The following MYO16 variants were observed in gnomAD, a reference collection of about 807,000 sequenced individuals.
The protein encoded by MYO16 is myosin XVI.
Under a neutral mutation model 205.3 loss-of-function variants are expected in MYO16, and 94 were observed. The observed-to-expected ratio is 0.46, with a 90% CI of 0.39 to 0.54. The LOEUF (loss-of-function observed/expected upper bound fraction) is 0.54, where lower values mean the gene tolerates loss of function less well. Among genes scored for constraint, MYO16 ranks in the 20% least tolerant of loss-of-function variants. MYO16 has a pLI of 0.00. For synonymous variants in MYO16, 988 were observed against 954.0 expected (o/e 1.04, Z -0.66); for missense variants, 2,315 against 2,387.5 (o/e 0.97, Z 0.63).
intron 25 of MYO16, among the ~76,000 whole-genome samples, chr13:109,053,526 C>G (rs559760525): frequency 9.9e-4 from 150 of 152,068 alleles, no homozygotes; most frequent in Non-Finnish European, 1.8e-3. Flanking sequence ...CCTCTTTTCT[C>G]AATCATCCTA....
the MYO16 span, among the ~76,000 whole-genome samples, chr13:108,588,815 A>T: frequency 5.3e-5 from 8 of 152,212 alleles, no homozygotes; most frequent in Admixed American, 2.0e-4. Flanking sequence ...GGCTAGGCTG[A>T]ACAGAGACCC....
intron 32 of MYO16, among the ~76,000 whole-genome samples, chr13:109,154,137 AT>A (rs1877852688): frequency 6.6e-6 from 1 of 152,204 alleles, no homozygotes; most frequent in East Asian, 1.9e-4. Flanking sequence ...TTTTAAATTT[AT>A]TTTTCAAGGC....
intron 2 of MYO16, among the ~76,000 whole-genome samples, chr13:108,677,531 A>G (rs539177789): frequency 6.6e-4 from 100 of 151,864 alleles, no homozygotes; most frequent in African/African-American, 2.4e-3. Flanking sequence ...ATACATGCAC[A>G]TATATATTTA....
At chr13:109,150,188 C>T (rs1877575884) in intron 32 of MYO16, among the ~76,000 whole-genome samples, 1 of 152,134 alleles carries the variant, frequency 6.6e-6, no homozygotes, top group Non-Finnish European at 1.5e-5. Flanking sequence ...ATCAAAAAGT[C>T]TTCATCGTTT....
intron 1 of MYO16, among the ~76,000 whole-genome samples, chr13:108,599,409 A>G (rs1010391554): frequency 1.3e-5 from 2 of 151,808 alleles, no homozygotes; most frequent in African/African-American, 4.8e-5. Flanking sequence ...TCCCTGAGGA[A>G]TCGCCACACT....
chr13:108,547,556 G>A, the MYO16 span, among the ~76,000 whole-genome samples: 1 of 152,112 alleles, frequency 6.6e-6, no homozygotes, highest in African/African-American at 2.4e-5. Context: ...ATACTATTAA[G>A]CACATCTTCT....
intron 14 of MYO16, among the ~76,000 whole-genome samples, chr13:108,890,022 C>T (rs1880088500): frequency 6.6e-6 from 1 of 152,028 alleles, no homozygotes; most frequent in African/African-American, 2.4e-5. Context: ...GCCTCAACTT[C>T]CTGGGCTCAA....
intron 20 of MYO16, among the ~76,000 whole-genome samples, chr13:108,974,953 C>A (rs60899924): frequency 0.029 from 4,407 of 152,256 alleles, 98 homozygotes; most frequent in African/African-American, 0.055. Flanking sequence ...CAGTTTACAT[C>A]TATACTATTT....
In MYO16 at chr13:109,114,062, G is replaced by A. The variant is rs888637764; in HGVS notation, c.3439-6308G>A. On this transcript the variant is annotated intron_variant, in intron 28 of 34. Transcript: ENST00000457511. ...AGGAGAATTCAGTGAAGAACTCTGA[G>A]GATAGCTAACTTTTCACTGGGGAGC... 3.9e-5 allele frequency among the ~76,000 whole-genome samples: 6 copies of A among 152,262 alleles called. No homozygotes were observed. In the East Asian group the frequency reaches 1.2e-3, roughly 29 times the overall value.
At chr13:108,784,565 T>C (rs1306281262) in intron 4 of MYO16, among the ~76,000 whole-genome samples, 1 of 152,148 alleles carries the variant, frequency 6.6e-6, no homozygotes, top group Non-Finnish European at 1.5e-5. Context: ...GCAGACTTGC[T>C]AAAGTATAGA....
intron 27 of MYO16, among the ~76,000 whole-genome samples, chr13:109,085,338 A>T (rs1199027622): frequency 6.6e-6 from 1 of 152,216 alleles, no homozygotes; most frequent in African/African-American, 2.4e-5. Context: ...AGAAAACTTC[A>T]TTGAGCTGAA....
chr13:108,802,829 T>G (rs1378076802), intron 6 of MYO16, among the ~76,000 whole-genome samples: 3 of 152,226 alleles, frequency 2.0e-5, no homozygotes, highest in African/African-American at 7.2e-5. Context: ...TTAGTAATGA[T>G]GAGCATTTTT....
At chr13:109,120,286 G>C (rs1158199466) in intron 28 of MYO16, 84 bp from the exon 29 acceptor site, 6 of 965,732 alleles carry the variant, frequency 6.2e-6, no homozygotes, top group Non-Finnish European at 7.8e-6. Flanking sequence ...TCCTCTGCTG[G>C]AAAAATATTT....
At chr13:109,067,827 A>G (rs1447850529) in intron 27 of MYO16, among the ~76,000 whole-genome samples, 2 of 152,138 alleles carry the variant, frequency 1.3e-5, no homozygotes, top group Non-Finnish European at 2.9e-5. Context: ...ATCAGTCACA[A>G]CCTTTGGAAA....
chr13:108,590,053 ACTG>A, the MYO16 span, among the ~76,000 whole-genome samples: 2 of 152,204 alleles, frequency 1.3e-5, no homozygotes, highest in Admixed American at 1.3e-4. Context: ...TCCATATTAT[ACTG>A]CTTTTTTAAA....
At chr13:108,900,979 T>C (rs1012619323) in intron 15 of MYO16, among the ~76,000 whole-genome samples, 3 of 152,174 alleles carry the variant, frequency 2.0e-5, no homozygotes, top group Non-Finnish European at 4.4e-5. Flanking sequence ...TGGGGATGGC[T>C]GTCTTTTACG....
the MYO16 span, among the ~76,000 whole-genome samples, chr13:108,551,794 A>G: frequency 6.6e-6 from 1 of 152,180 alleles, no homozygotes; most frequent in Non-Finnish European, 1.5e-5. Flanking sequence ...TAGGCATACT[A>G]AAGTTCCTGT....
intron 25 of MYO16, 27 bp downstream of exon 25, chr13:109,052,502 A>G: frequency 6.6e-7 from 1 of 1,505,622 alleles, no homozygotes; most frequent in African/African-American, 1.4e-5. Flanking sequence ...TTATTGTTGG[A>G]TTATTTTTAA....
intron 20 of MYO16, among the ~76,000 whole-genome samples, chr13:108,970,779 C>T (rs192407411): frequency 1.1e-4 from 16 of 152,288 alleles, no homozygotes; most frequent in Admixed American, 2.0e-4. Context: ...CCACCCCCTC[C>T]GATAGTCCAG....
Sources: allele counts gnomAD v4.1 joint callset (sites outside exome capture counted in the v4.1 genomes callset), GRCh38; gene constraint gnomAD v4.1.1; transcripts MANE v1.5; gene names NCBI Gene and HGNC (gene_info 2026-07-23, HGNC 2026-07-21).